The following ERI3 variants were observed in gnomAD, a reference collection of about 807,000 sequenced individuals.
ERI3 encodes the protein ERI1 exoribonuclease family member 3.
Under a neutral mutation model 44.4 loss-of-function variants are expected in ERI3, and 18 were observed. The observed-to-expected ratio is 0.41, with a 90% CI of 0.28 to 0.60. ERI3 has a LOEUF of 0.60. Among genes scored for constraint, ERI3 ranks in the 20% least tolerant of loss-of-function variants. The probability of loss-of-function intolerance (pLI) is 0.36; values close to 1 mark genes in which losing one functional copy is unlikely to be tolerated. For synonymous variants in ERI3, 183 were observed against 164.8 expected (o/e 1.11, Z -0.84); for missense variants, 294 against 435.5 (o/e 0.68, Z 2.89).
chr1:44,222,052 C>T (rs1037446758), intron 8 of ERI3, among the ~76,000 whole-genome samples: 1 of 152,272 alleles, frequency 6.6e-6, no homozygotes, highest in African/African-American at 2.4e-5. Context: ...CGCCACCCGC[C>T]TTGATGTCTC....
At chr1:44,345,354 C>T (rs1646763086) in intron 2 of ERI3, among the ~76,000 whole-genome samples, 2 of 152,224 alleles carry the variant, frequency 1.3e-5, no homozygotes, top group Admixed American at 6.5e-5. Flanking sequence ...TACTTGGGAT[C>T]TCTGGGATGG....
chr1:44,316,447 T>G (rs1272388234), intron 4 of ERI3, among the ~76,000 whole-genome samples: 1 of 152,190 alleles, frequency 6.6e-6, no homozygotes, highest in Non-Finnish European at 1.5e-5. Flanking sequence ...TGAGATCCCC[T>G]ACCCTCACAA....
intron 7 of ERI3, among the ~76,000 whole-genome samples, chr1:44,259,212 AG>A (rs1644837702): frequency 6.6e-6 from 1 of 152,030 alleles, no homozygotes; most frequent in Non-Finnish European, 1.5e-5. Flanking sequence ...AGGAGAGAAA[AG>A]GGGAGTCTGA....
At position 44,222,699 on chromosome 1, in the gene ERI3, C is replaced by G. The variant is rs529473092; in HGVS notation, c.932-1059G>C. Among the ~76,000 whole-genome samples the G allele has an allele frequency of 1.8e-4, 27 of 152,312 alleles. No individual in the cohort carries two copies. The South Asian group carries it at 5.6e-3, about 32-fold the overall frequency. ...CTGAGTTTTTCTGTTCAGCTGCCCA[C>G]AGCAGCCACCAAACTCATTATCCCC... On this transcript the variant is annotated intron_variant, in intron 8 of 8. Transcript: ENST00000372257.
intron 3 of ERI3, among the ~76,000 whole-genome samples, chr1:44,320,559 G>C (rs1646179347): frequency 6.6e-6 from 1 of 152,226 alleles, no homozygotes; most frequent in Non-Finnish European, 1.5e-5. Flanking sequence ...ACGCACCAGA[G>C]TGGGGAGAGG....
Position 44,355,115 on chromosome 1 carries a change from C to A in ERI3, c.-89G>T, listed in dbSNP as rs972433640. The A allele has an allele frequency of 7.3e-6, 9 of 1,241,070 alleles. No individual in the cohort carries two copies. Among genetic ancestry groups the A allele is most frequent in the Non-Finnish European group, 9.1e-6 (9 of 986,664 alleles). 76.9% of individuals were successfully genotyped at this position (1,241,070 alleles called of 1,614,324 possible). A position where few individuals can be genotyped will look rare whatever the true frequency, so the allele number is the denominator to read the frequency against. Reference sequence around the variant, plus strand: ...CCTCGGCCTCAGCAAGCGCTCAGGGCAGTTGGCGGCGGCGGGCGCGGCCCG... The same window carrying A: ...CCTCGGCCTCAGCAAGCGCTCAGGGAAGTTGGCGGCGGCGGGCGCGGCCCG... On this transcript the variant is annotated 5_prime_UTR_variant, in exon 1 of 9. Coordinates refer to ENST00000372257, the MANE Select transcript of ERI3 (RefSeq NM_024066.3).
rs961251109 is a variant in ERI3, at chr1:44,334,386, G to A, written c.489+4659C>T. ...CTCAGGGTCACAACAACCATCACTC[G>A]GTGCACATCCACACCAAAATGAGCA... On this transcript the variant is annotated intron_variant, in intron 3 of 8. Transcript: ENST00000372257. 3.9e-5 allele frequency among the ~76,000 whole-genome samples: 6 copies of A among 152,062 alleles called. No homozygotes were observed. In the East Asian group the frequency reaches 9.6e-4, roughly 24 times the overall value.
chr1:44,281,331 C>T (rs1645278548), intron 7 of ERI3, among the ~76,000 whole-genome samples: 1 of 152,050 alleles, frequency 6.6e-6, no homozygotes, highest in South Asian at 2.1e-4. Context: ...TTAATGCCTG[C>T]AATCCTAGCA....
intron 6 of ERI3, among the ~76,000 whole-genome samples, chr1:44,297,186 G>C (rs1172838270): frequency 6.6e-6 from 1 of 152,104 alleles, no homozygotes; most frequent in East Asian, 1.9e-4. Context: ...GGAAGAAACA[G>C]TTTTACAGAA....
intron 3 of ERI3, among the ~76,000 whole-genome samples, chr1:44,328,482 C>T (rs377698130): frequency 2.4e-4 from 36 of 152,176 alleles, no homozygotes; most frequent in East Asian, 7.7e-4. Context: ...GTGACTCTGA[C>T]GCTCGCTGAA....
chr1:44,329,014 A>T (rs868063903), intron 3 of ERI3, among the ~76,000 whole-genome samples: 1 of 152,210 alleles, frequency 6.6e-6, no homozygotes, highest in Non-Finnish European at 1.5e-5. Context: ...TCTTCTTGTC[A>T]TGGCAGTGCC....
At chr1:44,341,616 AGTGACTGCACCT>A (rs1646654492) in intron 2 of ERI3, among the ~76,000 whole-genome samples, 1 of 152,200 alleles carries the variant, frequency 6.6e-6, no homozygotes, top group African/African-American at 2.4e-5. Context: ...GGCCAAGCAC[AGTGACTGCACCT>A]GTAATCCCAG....
At chr1:44,274,275 T>C (rs1645139322) in intron 7 of ERI3, among the ~76,000 whole-genome samples, 1 of 152,230 alleles carries the variant, frequency 6.6e-6, no homozygotes, top group Non-Finnish European at 1.5e-5. Context: ...AGTCCTGCAA[T>C]ATTGGCTTCA....
Position 44,221,615 on chromosome 1 carries a change from G to T in ERI3, c.957C>A (p.Ile319=), listed in dbSNP as rs774868962. ...AGCCTCGATAGGCGAGTGTCTTCATGATGTTGGCAATGTTCTTGCAGTCGT... is the reference window on the plus strand; with the variant it reads ...AGCCTCGATAGGCGAGTGTCTTCATTATGTTGGCAATGTTCTTGCAGTCGT... ...GIDDCKNIAN[I]MKTLAYRGFI... Residue 319 remains isoleucine, a synonymous_variant, in exon 9 of 9, where the codon ATC becomes ATA. Coordinates refer to ENST00000372257, the MANE Select transcript of ERI3 (RefSeq NM_024066.3). The surrounding 1 kb of genome is among the most constrained non-coding windows in gnomAD (Gnocchi z 5.9). The T allele has an allele frequency of 6.2e-7, 1 of 1,614,128 alleles. No homozygotes were observed. The highest frequency in any genetic ancestry group is 1.1e-5 in the South Asian group (1 of 91,088).
Position 44,241,405 on chromosome 1 carries a change from C to A in ERI3, c.931+6534G>T, listed in dbSNP as rs1192817586. On this transcript the variant is annotated intron_variant, in intron 8 of 8. Transcript: ENST00000372257. This position sits in a 1 kb window ranked among gnomAD's most constrained non-coding sequence, Gnocchi z 5.6. ...ATCACCGCCCAGTGCTTGGTGGGCA[C>A]CGCACGCCCTCACACACACTCAAAC... Among the ~76,000 whole-genome samples, 2 of 152,080 alleles carry A rather than the reference C, an allele frequency of 1.3e-5. No individual in the cohort carries two copies. Among genetic ancestry groups the A allele is most frequent in the Non-Finnish European group, 1.5e-5 (1 of 68,014 alleles).
At chr1:44,304,353 A>G (rs1645790263) in intron 6 of ERI3, among the ~76,000 whole-genome samples, 1 of 152,172 alleles carries the variant, frequency 6.6e-6, no homozygotes, top group African/African-American at 2.4e-5. Context: ...TCAAAGAAAC[A>G]CCACTATTTA....
At chr1:44,276,949 T>C (rs925258811) in intron 7 of ERI3, among the ~76,000 whole-genome samples, 8 of 152,172 alleles carry the variant, frequency 5.3e-5, no homozygotes, top group Admixed American at 4.6e-4. Flanking sequence ...CACAATGAAT[T>C]AATACCATCA....
intron 7 of ERI3, among the ~76,000 whole-genome samples, chr1:44,259,912 T>TAGACAGACAGACAGAC (rs1420877757): frequency 7.0e-6 from 1 of 142,254 alleles, no homozygotes; most frequent in African/African-American, 2.8e-5. Context: ...GATAGATAGA[T>TAGACAGACAGACAGAC]AGATAGATAG....
intron 3 of ERI3, among the ~76,000 whole-genome samples, chr1:44,326,413 A>G (rs903240990): frequency 2.0e-5 from 3 of 150,354 alleles, no homozygotes; most frequent in Non-Finnish European, 4.4e-5. Context: ...TCTCCCTTGG[A>G]AAAAAAAAAG....
Sources: gnomAD v4.1 joint callset for allele counts (sites outside exome capture counted in the v4.1 genomes callset) on GRCh38, gnomAD v4.1.1 for gene constraint, Gnocchi (gnomAD v3.1) non-coding constraint, MANE v1.5 for transcripts, NCBI Gene and HGNC (gene_info 2026-07-23, HGNC 2026-07-21) for gene names.